The following EPN2 variants were observed in gnomAD, a reference collection of about 807,000 sequenced individuals.
The protein encoded by EPN2 is epsin-2.
A neutral mutation model predicts 61.7 loss-of-function variants in EPN2; 34 were observed. The observed-to-expected ratio is 0.55, with a 90% CI of 0.42 to 0.73. The LOEUF (loss-of-function observed/expected upper bound fraction) is 0.73. EPN2 is among the 30% of genes least tolerant of loss of function. The pLI is 0.00. For missense variants in EPN2, 714 were observed against 839.2 expected, an observed-to-expected ratio of 0.85 and a Z score of 1.84; for synonymous variants, 349 against 353.6, an observed-to-expected ratio of 0.99 and a Z score of 0.15.
At chr17:19,266,137 C>T (rs1157050891) in intron 1 of EPN2, among the ~76,000 whole-genome samples, 2 of 152,154 alleles carry the variant, frequency 1.3e-5, no homozygotes, top group East Asian at 1.9e-4. Flanking sequence ...CGTGAGTTCC[C>T]TGCTCCAAAC....
intron 7 of EPN2, among the ~76,000 whole-genome samples, chr17:19,317,517 T>C (rs992737936): frequency 1.3e-5 from 2 of 152,106 alleles, no homozygotes; most frequent in African/African-American, 4.8e-5. Context: ...CCCCCCCGCG[T>C]TGTGACTGCC....
At chr17:19,291,997 G>A (rs1289078113) in intron 4 of EPN2, among the ~76,000 whole-genome samples, 1 of 152,166 alleles carries the variant, frequency 6.6e-6, no homozygotes, top group African/African-American at 2.4e-5. Context: ...TACACACAAA[G>A]GAGAGTGTTT....
intron 4 of EPN2, among the ~76,000 whole-genome samples, chr17:19,292,346 C>T (rs954804979): frequency 6.6e-6 from 1 of 152,358 alleles, no homozygotes; most frequent in Middle Eastern, 3.4e-3. Flanking sequence ...GTCTAGCCCT[C>T]AGGGCCCTTC....
Position 19,237,446 on chromosome 17 carries a change from C to G in EPN2, c.-379C>G, listed in dbSNP as rs1475733292. 1 of 152,052 alleles carries G rather than the reference C, an allele frequency of 6.6e-6. No individual in the cohort carries two copies. Among genetic ancestry groups the G allele is most frequent in the African/African-American group, 2.4e-5 (1 of 41,424 alleles). 9.4% of individuals were successfully genotyped at this position (152,052 alleles called of 1,614,324 possible). A position where few individuals can be genotyped will look rare whatever the true frequency, so the allele number is the denominator to read the frequency against. ...ACTGAGCCAGACGCGGCGGTGGCGG[C>G]GGCTCCGCGGGCTACGGTCGCTCCC... On this transcript the variant is annotated 5_prime_UTR_variant, in exon 1 of 11. Coordinates refer to ENST00000314728, the MANE Select transcript of EPN2 (RefSeq NM_014964.5).
At chr17:19,295,537 A>G (rs1188467974) in intron 4 of EPN2, among the ~76,000 whole-genome samples, 2 of 152,152 alleles carry the variant, frequency 1.3e-5, no homozygotes, top group Admixed American at 6.5e-5. Context: ...CCTCTCAGAA[A>G]AAAAAGAAAA....
rs776442761 is a variant in EPN2, at chr17:19,283,582, G to A, written c.463G>A (p.Ala155Thr). ...GGCTCTCAAAACCAAAGAGCGCATG[G>A]CCCAGGTTGCCACTGGCATGGGCAG... The part of the protein sequence containing the change: ...AQALKTKERM[A>T]QVATGMGSNQ... Residue 155 changes from alanine to threonine, a missense_variant, in exon 3 of 11, where the codon GCC becomes ACC. Physicochemically the swap from Ala to Thr is moderately conservative, Grantham distance 58 (BLOSUM62 0). Transcript: ENST00000314728. This position sits in a 1 kb window ranked among gnomAD's most constrained non-coding sequence, Gnocchi z 7.0. The A allele has an allele frequency of 6.2e-7, 1 of 1,614,156 alleles. No homozygotes were observed. Among genetic ancestry groups the A allele is most frequent in the Non-Finnish European group, 8.5e-7 (1 of 1,180,024 alleles).
intron 7 of EPN2, among the ~76,000 whole-genome samples, chr17:19,321,431 G>A (rs892407104): frequency 6.6e-6 from 1 of 152,194 alleles, no homozygotes; most frequent in Admixed American, 6.5e-5. Context: ...GGGGACTGGA[G>A]TTGGGGACAC....
At chr17:19,290,071 G>T (rs2045447812) in intron 4 of EPN2, among the ~76,000 whole-genome samples, 1 of 152,108 alleles carries the variant, frequency 6.6e-6, no homozygotes, top group East Asian at 1.9e-4. Context: ...CACACCAGCT[G>T]CCCTCCCAAG....
At chr17:19,281,322 A>G (rs570591263) in intron 1 of EPN2, among the ~76,000 whole-genome samples, 6 of 152,362 alleles carry the variant, frequency 3.9e-5, no homozygotes, top group African/African-American at 1.4e-4. Context: ...ATTCACATGC[A>G]AAAAGACATC....
intron 7 of EPN2, among the ~76,000 whole-genome samples, chr17:19,314,244 C>CT (rs1454169426): frequency 6.6e-6 from 1 of 152,148 alleles, no homozygotes; most frequent in African/African-American, 2.4e-5. Context: ...AATAGCAGTA[C>CT]TGTGTAGTCC....
chr17:19,253,965 T>C (rs2045044929), intron 1 of EPN2, among the ~76,000 whole-genome samples: 2 of 151,992 alleles, frequency 1.3e-5, no homozygotes, highest in African/African-American at 4.8e-5. Context: ...AAACCCTGTC[T>C]CTACTGAAAA....
In EPN2 at chr17:19,332,004, C is replaced by T. The variant is rs1032043555; in HGVS notation, c.1563C>T (p.Asn521=). The stretch of plus-strand genomic sequence containing the variant: ...TGGGCCCCAACGCGGCCCTGGTGAA[C>T]CTGGACTCACTGGTGACCAGGCCTG... ...SFLGPNAALV[N]LDSLVTRPAP... Residue 521 remains asparagine (N), a synonymous_variant, in exon 10 of 11, where the codon AAC becomes AAT. Transcript: ENST00000314728. 6.2e-7 allele frequency: 1 copy of T among 1,613,834 alleles called. No individual in the cohort carries two copies. Among genetic ancestry groups the T allele is most frequent in the Non-Finnish European group, 8.5e-7 (1 of 1,180,020 alleles).
chr17:19,285,987 T>G lies in EPN2; in HGVS notation c.766+197T>G, dbSNP rs1385134570. 6.6e-6 allele frequency among the ~76,000 whole-genome samples: 1 copy of G among 152,164 alleles called. No individual in the cohort carries two copies. The highest frequency in any genetic ancestry group is 2.4e-5 in the African/African-American group (1 of 41,444). On this transcript the variant is annotated intron_variant, in intron 4 of 10. Coordinates refer to ENST00000314728, the MANE Select transcript of EPN2 (RefSeq NM_014964.5). The surrounding 1 kb of genome is among the most constrained non-coding windows in gnomAD (Gnocchi z 4.5). ...GTCGTGCTCCGCTTCCAGGATCACA[T>G]GTCACTTGCTAGAAGTTCTGTCAAA...
chr17:19,291,590 A>G (rs769787734), intron 4 of EPN2, among the ~76,000 whole-genome samples: 34 of 151,880 alleles, frequency 2.2e-4, no homozygotes, highest in South Asian at 4.1e-4. Flanking sequence ...GGCGCCCGCC[A>G]CTGCGCCCGG....
chr17:19,291,342 C>G (rs1301068239), intron 4 of EPN2, among the ~76,000 whole-genome samples: 1 of 152,042 alleles, frequency 6.6e-6, no homozygotes, highest in African/African-American at 2.4e-5. Flanking sequence ...TGCCTCCACT[C>G]TCGAGTGGCC....
chr17:19,289,607 G>A (rs2045440026), intron 4 of EPN2, among the ~76,000 whole-genome samples: 2 of 152,022 alleles, frequency 1.3e-5, no homozygotes, highest in South Asian at 4.2e-4. Context: ...GTGTCAAGAA[G>A]GTCTGAGAAG....
chr17:19,312,214 A>C, intron 6 of EPN2, 70 bp downstream of exon 6: 1 of 1,107,158 alleles, frequency 9.0e-7, no homozygotes, highest in Admixed American at 1.7e-5. Context: ...CCCCCCACCA[A>C]CTTGCCTGGA....
At chr17:19,300,976 A>G (rs1312821737) in intron 4 of EPN2, among the ~76,000 whole-genome samples, 1 of 152,234 alleles carries the variant, frequency 6.6e-6, no homozygotes, top group Non-Finnish European at 1.5e-5. Context: ...AGGTGGCCTT[A>G]GAGCTGATAC....
At chr17:19,297,236 A>G (rs1458298998) in intron 4 of EPN2, 2 of 152,226 alleles carry the variant, frequency 1.3e-5, no homozygotes, top group African/African-American at 4.8e-5. Flanking sequence ...TGTTGTAGCC[A>G]TCTGTCTGTG....
Sources: gnomAD v4.1 joint callset for allele counts (sites outside exome capture counted in the v4.1 genomes callset) on GRCh38, gnomAD v4.1.1 for gene constraint, Gnocchi (gnomAD v3.1) non-coding constraint, MANE v1.5 for transcripts, NCBI Gene and HGNC (gene_info 2026-07-23, HGNC 2026-07-21) for gene names.